CSMD1: variants seen among roughly 807,000 people sequenced by gnomAD.
The protein encoded by CSMD1 is CUB and sushi domain-containing protein 1.
Under a neutral mutation model 417.5 loss-of-function variants are expected in CSMD1, and 213 were observed. The observed-to-expected ratio is 0.51, with a 90% confidence interval of 0.46 to 0.57. The LOEUF is 0.57. Ranked by LOEUF, CSMD1 falls within the 20% of genes least tolerant of loss-of-function variation. CSMD1 has a pLI of 0.00. For missense variants in CSMD1, 6,923 were observed against 4,529.7 expected (o/e 1.53, Z -15.17); for synonymous variants, 2,862 against 1,736.8 (o/e 1.65, Z -16.11).
intron 3 of CSMD1, among the ~76,000 whole-genome samples, chr8:4,246,021 T>C (rs1411592900): frequency 3.3e-5 from 5 of 152,180 alleles, no homozygotes; most frequent in East Asian, 1.9e-4. Context: ...TTATTTGTTG[T>C]TGTTGTTTGA....
intron 2 of CSMD1, among the ~76,000 whole-genome samples, chr8:4,443,269 C>G (rs1355483248): frequency 6.6e-6 from 1 of 152,158 alleles, no homozygotes; most frequent in African/African-American, 2.4e-5. Context: ...CAGCATCAAT[C>G]AATCTTCGCC....
intron 26 of CSMD1, among the ~76,000 whole-genome samples, chr8:3,277,534 C>T (rs986723397): frequency 2.6e-5 from 4 of 152,194 alleles, no homozygotes; most frequent in Middle Eastern, 3.4e-3. Flanking sequence ...GTGAGATCTA[C>T]AGAGGTCTAA....
chr8:3,966,866 A>G (rs1040844702), intron 5 of CSMD1, among the ~76,000 whole-genome samples: 1 of 152,244 alleles, frequency 6.6e-6, no homozygotes, highest in African/African-American at 2.4e-5. Flanking sequence ...TATGCTGCAT[A>G]CAACACACTG....
At chr8:4,815,027 T>C (rs1219952282) in intron 1 of CSMD1, among the ~76,000 whole-genome samples, 1 of 152,172 alleles carries the variant, frequency 6.6e-6, no homozygotes, top group Non-Finnish European at 1.5e-5. Flanking sequence ...AGAATTAGTT[T>C]AAATTTCCTT....
chr8:3,780,524 A>T (rs560779299), intron 5 of CSMD1, among the ~76,000 whole-genome samples: 33 of 152,288 alleles, frequency 2.2e-4, no homozygotes, highest in African/African-American at 7.7e-4. Flanking sequence ...TTGTGGTACT[A>T]CTGAATTGGA....
chr8:3,061,181 G>C (rs1167367159), intron 49 of CSMD1, among the ~76,000 whole-genome samples: 3 of 152,064 alleles, frequency 2.0e-5, no homozygotes, highest in African/African-American at 7.2e-5. Flanking sequence ...CCAAACCTTT[G>C]CTTCCTCACC....
chr8:3,038,538 T>C (rs1201942833), intron 50 of CSMD1, among the ~76,000 whole-genome samples: 1 of 152,232 alleles, frequency 6.6e-6, no homozygotes, highest in African/African-American at 2.4e-5. Context: ...TTAAAATTTT[T>C]CTTGTGGTTA....
At chr8:2,977,625 C>A (rs1386788063) in intron 55 of CSMD1, among the ~76,000 whole-genome samples, 1 of 152,134 alleles carries the variant, frequency 6.6e-6, no homozygotes, top group Non-Finnish European at 1.5e-5. Flanking sequence ...AAGAAACTAT[C>A]CTCAGAGTGA....
At chr8:4,680,240 G>A (rs1011468887) in intron 1 of CSMD1, among the ~76,000 whole-genome samples, 2 of 152,056 alleles carry the variant, frequency 1.3e-5, no homozygotes, top group South Asian at 2.1e-4. Flanking sequence ...TGGACATTCC[G>A]CTGATTTTCA....
At chr8:4,220,933 A>G (rs1017225998) in intron 3 of CSMD1, among the ~76,000 whole-genome samples, 1 of 152,204 alleles carries the variant, frequency 6.6e-6, no homozygotes, top group Non-Finnish European at 1.5e-5. Context: ...ATGTGTGTGC[A>G]CAGTTCACAC....
intron 7 of CSMD1, among the ~76,000 whole-genome samples, chr8:3,674,984 C>A (rs1008680913): frequency 1.3e-5 from 2 of 152,194 alleles, no homozygotes; most frequent in African/African-American, 4.8e-5. Context: ...AAGGGGTTAA[C>A]ATCAGTCTCC....
intron 2 of CSMD1, among the ~76,000 whole-genome samples, chr8:4,496,664 C>A (rs533167083): frequency 2.0e-5 from 3 of 152,104 alleles, no homozygotes; most frequent in African/African-American, 7.2e-5. Flanking sequence ...CTCCCCCTCC[C>A]TTTATCCTGC....
chr8:4,392,577 G>A (rs1315154076), intron 3 of CSMD1, among the ~76,000 whole-genome samples: 1 of 151,938 alleles, frequency 6.6e-6, no homozygotes, highest in Non-Finnish European at 1.5e-5. Context: ...TTGTGTAAAT[G>A]GCTTTCATCT....
chr8:3,889,452 CATATATATATATATAT>C (rs1171842639), intron 5 of CSMD1, among the ~76,000 whole-genome samples: 18 of 45,402 alleles, frequency 4.0e-4, no homozygotes, highest in Admixed American at 2.2e-3. Flanking sequence ...CTGATCTTTC[CATATATATATATATAT>C]ATATATATAT....
chr8:3,982,203 AAT>A (rs1813936603), intron 5 of CSMD1, among the ~76,000 whole-genome samples: 1 of 146,248 alleles, frequency 6.8e-6, no homozygotes, highest in Admixed American at 6.8e-5. Context: ...TAATAAAAAA[AAT>A]AATAATAATA....
At chr8:2,980,175 A>G (rs952409266) in intron 54 of CSMD1, among the ~76,000 whole-genome samples, 1 of 152,214 alleles carries the variant, frequency 6.6e-6, no homozygotes, top group African/African-American at 2.4e-5. Context: ...AAATAATTTC[A>G]AACTGTGTTT....
chr8:3,465,706 T>C (rs1816757312), intron 12 of CSMD1, among the ~76,000 whole-genome samples: 1 of 152,204 alleles, frequency 6.6e-6, no homozygotes, highest in South Asian at 2.1e-4. Flanking sequence ...AGGGTTGACA[T>C]GGGTGGCCTT....
At chr8:3,716,690 T>G (rs1585124513) in intron 6 of CSMD1, among the ~76,000 whole-genome samples, 1 of 152,162 alleles carries the variant, frequency 6.6e-6, no homozygotes, top group African/African-American at 2.4e-5. Flanking sequence ...CTCCTGGGAA[T>G]GCAGCCCAGC....
Position 3,749,912 on chromosome 8 carries a change from G to C in CSMD1, c.931+4018C>G, listed in dbSNP as rs533656304. On this transcript the variant is annotated intron_variant, in intron 6 of 69. Transcript: ENST00000635120. ...ACATTCTCTGTACCTATTGTGTGTA[G>C]CTACTCATTTCTGTTGGACGCATGC... is the stretch of plus-strand genomic sequence containing the variant. Among the ~76,000 whole-genome samples, 4 of 152,032 alleles carry C rather than the reference G, an allele frequency of 2.6e-5. No individual in the cohort carries two copies. In the East Asian group the frequency reaches 7.7e-4, roughly 29 times the overall value.
Sources: allele counts gnomAD v4.1 joint callset (sites outside exome capture counted in the v4.1 genomes callset), GRCh38; gene constraint gnomAD v4.1.1; transcripts MANE v1.5; gene names NCBI Gene and HGNC (gene_info 2026-07-23, HGNC 2026-07-21).